The following MLLT10 variants were observed in gnomAD, a reference collection of about 807,000 sequenced individuals.
MLLT10 encodes MLLT10 histone lysine methyltransferase DOT1L cofactor.
Under a neutral mutation model 129.1 loss-of-function variants are expected in MLLT10, and 30 were observed. The observed-to-expected ratio is 0.23, with a 90% CI of 0.17 to 0.32. The LOEUF (loss-of-function observed/expected upper bound fraction) is 0.32. MLLT10 is among the 10% of genes least tolerant of loss of function. The probability of loss-of-function intolerance (pLI) is 1.00; values close to 1 mark genes in which losing one functional copy is unlikely to be tolerated. For synonymous variants in MLLT10, 490 were observed against 446.4 expected (o/e 1.10, Z -1.23); for missense variants, 1,119 against 1,268.3 (o/e 0.88, Z 1.79).
chr10:21,637,337 G>T (rs1011893297), intron 8 of MLLT10, among the ~76,000 whole-genome samples: 1 of 152,162 alleles, frequency 6.6e-6, no homozygotes, highest in Admixed American at 6.5e-5. Flanking sequence ...GAACGTTGAA[G>T]TGAGTGTCAT....
At chr10:21,703,033 A>G (rs529350808) in intron 13 of MLLT10, among the ~76,000 whole-genome samples, 16 of 151,942 alleles carry the variant, frequency 1.1e-4, no homozygotes, top group African/African-American at 3.4e-4. Flanking sequence ...GGTTTTCTGT[A>G]GGGGTGGTTT....
At chr10:21,738,852 G>C (rs1020819630) in intron 21 of MLLT10, among the ~76,000 whole-genome samples, 1 of 152,038 alleles carries the variant, frequency 6.6e-6, no homozygotes, top group African/African-American at 2.4e-5. Flanking sequence ...AGTGCCCAAG[G>C]TGGAATTCAG....
intron 13 of MLLT10, among the ~76,000 whole-genome samples, chr10:21,700,891 T>G (rs1159334121): frequency 6.6e-6 from 1 of 152,200 alleles, no homozygotes; most frequent in Non-Finnish European, 1.5e-5. Flanking sequence ...TGGAATAGTT[T>G]GAAGAGGATT....
intron 22 of MLLT10, 78 bp downstream of exon 22, chr10:21,740,314 G>GT (rs2058721877): frequency 6.7e-7 from 1 of 1,494,032 alleles, no homozygotes; most frequent in South Asian, 1.2e-5. Flanking sequence ...TTCCAGCCTG[G>GT]TTTTGTTCCC....
rs1332342896 is a variant in MLLT10 at position 21,673,795 on chromosome 10, A to G, written c.1497A>G (p.Ser499=). The G allele has an allele frequency of 6.2e-7, 1 of 1,614,206 alleles. No individual in the cohort carries two copies. Among genetic ancestry groups the G allele is most frequent in the Non-Finnish European group, 8.5e-7 (1 of 1,180,016 alleles). The change falls in exon 11 of 23, where the codon TCA becomes TCG. Residue 499 remains serine (S), a synonymous_variant. Transcript: ENST00000307729. ...NVSHLSVSSA[S]PTSSVASAAG... is the part of the protein sequence containing the mutation. The stretch of plus-strand genomic sequence containing the variant: ...CTCATCTCTCAGTTTCTTCTGCTTC[A>G]CCAACATCATCTGTAGCATCAGCTG...
intron 13 of MLLT10, among the ~76,000 whole-genome samples, chr10:21,706,245 G>A (rs1342428885): frequency 2.0e-5 from 3 of 152,120 alleles, no homozygotes. Context: ...ATAATGATGG[G>A]CACTGTTTGT....
At chr10:21,615,457 CA>C (rs71393914) in intron 7 of MLLT10, among the ~76,000 whole-genome samples, 4,246 of 75,262 alleles carry the variant, frequency 0.056, 48 homozygotes, top group African/African-American at 0.16. Flanking sequence ...GACTCCGTCT[CA>C]AAAAAAAAAA....
chr10:21,654,518 G>C (rs999296241), intron 9 of MLLT10, among the ~76,000 whole-genome samples: 2 of 152,050 alleles, frequency 1.3e-5, no homozygotes, highest in Non-Finnish European at 2.9e-5. Context: ...AGAGATTTGA[G>C]TGAAGAAAAA....
At chr10:21,582,917 C>G (rs2041623375) in intron 3 of MLLT10, among the ~76,000 whole-genome samples, 1 of 152,174 alleles carries the variant, frequency 6.6e-6, no homozygotes, top group African/African-American at 2.4e-5. Flanking sequence ...CACTGTAATC[C>G]TAGCACTTTA....
intron 5 of MLLT10, among the ~76,000 whole-genome samples, chr10:21,608,637 T>C (rs924042824): frequency 2.0e-5 from 3 of 152,206 alleles, no homozygotes; most frequent in African/African-American, 4.8e-5. Flanking sequence ...TGGTTATTGA[T>C]ACATATGTAA....
rs185444600 is a variant in MLLT10 at position 21,725,410 on chromosome 10, T to C, written c.1879-834T>C. Among the ~76,000 whole-genome samples, 94 of 144,980 alleles carry C rather than the reference T, an allele frequency of 6.5e-4. 1 individual carries two copies. The highest frequency in any genetic ancestry group is 2.2e-3 in the African/African-American group (90 of 41,034). On this transcript the variant is annotated intron_variant, in intron 14 of 22. Transcript: ENST00000307729. ...AATAGTTACCTTCCAACGTGCCAGT[T>C]CTTCTTTTTTAAAAATTTGTAGTTA...
At chr10:21,691,120 C>T (rs1158465802) in intron 13 of MLLT10, among the ~76,000 whole-genome samples, 1 of 152,110 alleles carries the variant, frequency 6.6e-6, no homozygotes, top group Non-Finnish European at 1.5e-5. Context: ...AGAATAAAGG[C>T]AGTTCGATCA....
chr10:21,686,864 C>T (rs921223301), intron 13 of MLLT10, among the ~76,000 whole-genome samples: 35 of 152,036 alleles, frequency 2.3e-4, no homozygotes, highest in Middle Eastern at 3.2e-3. Context: ...TGTCTGTAAT[C>T]CCTGCTACTT....
At chr10:21,547,225 T>C (rs2036228266) in intron 3 of MLLT10, among the ~76,000 whole-genome samples, 1 of 152,060 alleles carries the variant, frequency 6.6e-6, no homozygotes, top group Admixed American at 6.6e-5. Context: ...ATATGCTCTA[T>C]TTCTTTTATT....
intron 14 of MLLT10, among the ~76,000 whole-genome samples, chr10:21,723,159 C>CT (rs765986897): frequency 1.4e-4 from 22 of 152,182 alleles, no homozygotes; most frequent in Non-Finnish European, 2.8e-4. Context: ...GCTAAAGATA[C>CT]TTTATCTTTT....
At chr10:21,612,326 C>CTTT in intron 5 of MLLT10, 22 bp from the exon 6 acceptor site, 3 of 1,241,374 alleles carry the variant, frequency 2.4e-6, no homozygotes, top group Non-Finnish European at 3.4e-6. Flanking sequence ...TGATTTTTGT[C>CTTT]TTTTTTTTTT....
rs907263428 is a variant in MLLT10 at position 21,549,141 on chromosome 10, T to C, written c.240+10229T>C. ...TTATTCCTTTTTTTTTTTTTTTTTT[T>C]AGACTTGAGTCTTGCTCTGTCACCC... is the stretch of plus-strand genomic sequence containing the variant. On this transcript the variant is annotated intron_variant, in intron 3 of 22. Coordinates refer to ENST00000307729, the MANE Select transcript of MLLT10 (RefSeq NM_001195626.3). 4.0e-5 allele frequency among the ~76,000 whole-genome samples: 6 copies of C among 149,268 alleles called. No homozygotes were observed. In the East Asian group the frequency reaches 7.8e-4, roughly 19 times the overall value.
intron 8 of MLLT10, among the ~76,000 whole-genome samples, chr10:21,643,101 C>T (rs1216040822): frequency 6.6e-6 from 1 of 152,218 alleles, no homozygotes; most frequent in African/African-American, 2.4e-5. Context: ...GGTGCAATCT[C>T]GGCTCACTGC....
intron 3 of MLLT10, among the ~76,000 whole-genome samples, chr10:21,569,003 C>T (rs915432093): frequency 1.3e-5 from 2 of 152,010 alleles, no homozygotes; most frequent in African/African-American, 2.4e-5. Flanking sequence ...TTTTTTGTCA[C>T]TGATTTCTAG....
Sources: allele counts gnomAD v4.1 joint callset (sites outside exome capture counted in the v4.1 genomes callset), GRCh38; gene constraint gnomAD v4.1.1; transcripts MANE v1.5; gene names NCBI Gene and HGNC (gene_info 2026-07-23, HGNC 2026-07-21).